Variants in NALCN observed in about 807,000 individuals in gnomAD.
NALCN encodes the protein sodium leak channel NALCN.
In NALCN, 111 loss-of-function variants were observed where a neutral mutation model predicts 225.3. The ratio of observed to expected loss-of-function variants is 0.49; its 90% CI spans 0.42 to 0.58. The LOEUF (loss-of-function observed/expected upper bound fraction) is 0.58, where lower values mean the gene tolerates loss of function less well. NALCN is among the 20% of genes least tolerant of loss of function. NALCN has a pLI of 0.00. For missense variants in NALCN, 1,378 were observed against 2,202.4 expected (o/e 0.63, Z 7.49); for synonymous variants, 764 against 769.0 (o/e 0.99, Z 0.11).
intron 31 of NALCN, among the ~76,000 whole-genome samples, chr13:101,083,467 A>G (rs188373010): frequency 1.2e-4 from 18 of 152,326 alleles, no homozygotes; most frequent in African/African-American, 4.3e-4. Flanking sequence ...GCAAGAGCAA[A>G]TATATTTTAT....
intron 11 of NALCN, among the ~76,000 whole-genome samples, chr13:101,245,497 T>C (rs2041867664): frequency 6.6e-6 from 1 of 152,186 alleles, no homozygotes; most frequent in Admixed American, 6.5e-5. Context: ...ATTATATATC[T>C]TTTTACATAC....
At chr13:101,298,879 GA>G (rs776256666) in intron 7 of NALCN, among the ~76,000 whole-genome samples, 1 of 152,198 alleles carries the variant, frequency 6.6e-6, no homozygotes, top group Admixed American at 6.5e-5. Flanking sequence ...TGCCAATTGA[GA>G]AACACTTTTC....
intron 6 of NALCN, chr13:101,369,027 A>G (rs1332456565): frequency 2.9e-6 from 1 of 349,706 alleles, no homozygotes; most frequent in Non-Finnish European, 5.7e-6. Context: ...AACAAAAAAG[A>G]TATTATTGAT....
At chr13:101,143,655 G>T (rs1446106180) in intron 16 of NALCN, among the ~76,000 whole-genome samples, 1 of 152,062 alleles carries the variant, frequency 6.6e-6, no homozygotes. Context: ...CTAGAGATGG[G>T]ATTTCTCCAT....
intron 6 of NALCN, among the ~76,000 whole-genome samples, chr13:101,376,431 C>T (rs867844596): frequency 7.3e-4 from 111 of 152,074 alleles, no homozygotes; most frequent in African/African-American, 2.5e-3. Context: ...GAAGGAGAAA[C>T]GCTTGAACCC....
chr13:101,282,144 C>T (rs917639384), intron 10 of NALCN, among the ~76,000 whole-genome samples: 7 of 152,152 alleles, frequency 4.6e-5, no homozygotes, highest in Admixed American at 4.6e-4. Context: ...ATCCCACAAT[C>T]CCACTTCTGG....
chr13:101,392,309 A>T (rs1054626987), intron 3 of NALCN, among the ~76,000 whole-genome samples: 1 of 152,210 alleles, frequency 6.6e-6, no homozygotes, highest in Non-Finnish European at 1.5e-5. Context: ...ATTAAAATAG[A>T]ATAAAAATGT....
intron 42 of NALCN, 64 bp from the exon 43 acceptor site, chr13:101,058,120 T>C (rs2031495575): frequency 6.4e-6 from 9 of 1,396,024 alleles, no homozygotes; most frequent in Admixed American, 2.0e-5. Context: ...CCTTTTACTA[T>C]AAGAAAGGAA....
chr13:101,179,737 G>A (rs1012024646), intron 14 of NALCN, among the ~76,000 whole-genome samples: 3 of 151,958 alleles, frequency 2.0e-5, no homozygotes, highest in Non-Finnish European at 4.4e-5. Context: ...CTCCATATGC[G>A]CTTCCTAGAG....
At chr13:101,305,846 A>G (rs1214050273) in intron 7 of NALCN, among the ~76,000 whole-genome samples, 1 of 152,234 alleles carries the variant, frequency 6.6e-6, no homozygotes, top group Non-Finnish European at 1.5e-5. Context: ...CCATATTCCT[A>G]GGGCCTGGGC....
intron 1 of NALCN, among the ~76,000 whole-genome samples, chr13:101,411,780 T>C (rs559508552): frequency 2.0e-5 from 3 of 152,208 alleles, no homozygotes; most frequent in Non-Finnish European, 4.4e-5. Flanking sequence ...AATCAAACAA[T>C]TTTTTGAACT....
At chr13:101,179,761 T>G (rs1310069890) in intron 14 of NALCN, among the ~76,000 whole-genome samples, 2 of 152,152 alleles carry the variant, frequency 1.3e-5, no homozygotes, top group East Asian at 3.9e-4. Flanking sequence ...TGTAACACCG[T>G]GCACGGAGTT....
Position 101,266,362 on chromosome 13 carries a change from A to G in NALCN, c.1135-7788T>C, listed in dbSNP as rs546796429. ...TTTCAAAATGATCTAAAGCTATCTT[A>G]TCTTTTTTTGTGGTATAAATGCTTA... On this transcript the variant is annotated intron_variant, in intron 10 of 43. Coordinates refer to ENST00000251127, the MANE Select transcript of NALCN (RefSeq NM_052867.4). 5.9e-5 allele frequency among the ~76,000 whole-genome samples: 9 copies of G among 152,336 alleles called. No individual in the cohort carries two copies. The South Asian group carries it at 1.7e-3, about 28-fold the overall frequency.
At chr13:101,124,145 G>T (rs1010789332) in intron 18 of NALCN, among the ~76,000 whole-genome samples, 13 of 152,122 alleles carry the variant, frequency 8.5e-5, no homozygotes, top group Non-Finnish European at 1.6e-4. Flanking sequence ...CTAGAAAGTA[G>T]CATTAAAAGC....
chr13:101,118,596 A>C (rs1047650487), intron 18 of NALCN, among the ~76,000 whole-genome samples: 15 of 152,164 alleles, frequency 9.9e-5, no homozygotes, highest in Non-Finnish European at 1.9e-4. Flanking sequence ...ATAGTCTTTC[A>C]ACTAACTTAT....
chr13:101,214,492 CTTCTCAAAA>C (rs1193519675), intron 13 of NALCN, among the ~76,000 whole-genome samples: 12 of 152,062 alleles, frequency 7.9e-5, no homozygotes, highest in Admixed American at 5.9e-4. Context: ...ACTGTTTCTT[CTTCTCAAAA>C]ATTTATTAGT....
chr13:101,305,246 T>C (rs1281439646), intron 7 of NALCN, among the ~76,000 whole-genome samples: 2 of 152,212 alleles, frequency 1.3e-5, no homozygotes, highest in African/African-American at 4.8e-5. Context: ...TCCAACTCTC[T>C]TACTTGGTTA....
At chr13:101,311,652 T>C (rs927149340) in intron 7 of NALCN, among the ~76,000 whole-genome samples, 8 of 152,308 alleles carry the variant, frequency 5.3e-5, no homozygotes, top group African/African-American at 1.7e-4. Flanking sequence ...GTTTATATGC[T>C]GGATTACATT....
In NALCN at chr13:101,107,632, G is replaced by A. The variant is rs766320919; in HGVS notation, c.2457-23C>T. 14 of 1,614,064 alleles carry A rather than the reference G, an allele frequency of 8.7e-6. No homozygotes were observed. In the South Asian group the frequency reaches 1.4e-4, roughly 16 times the overall value. On this transcript the variant is annotated intron_variant, in intron 21 of 43. Coordinates refer to ENST00000251127, the MANE Select transcript of NALCN (RefSeq NM_052867.4). Reference sequence around the variant, plus strand: ...TTCCTTGAAGGAGAAATTCATGGGAGAATGAGGCTAAGGGAAATTTTGCCA... The same window carrying A: ...TTCCTTGAAGGAGAAATTCATGGGAAAATGAGGCTAAGGGAAATTTTGCCA...
Sources: allele counts gnomAD v4.1 joint callset (sites outside exome capture counted in the v4.1 genomes callset), GRCh38; gene constraint gnomAD v4.1.1; transcripts MANE v1.5; gene names NCBI Gene and HGNC (gene_info 2026-07-23, HGNC 2026-07-21).